Variants in AGBL4 observed in about 807,000 individuals in gnomAD.
AGBL4 encodes AGBL carboxypeptidase 4.
A neutral mutation model predicts 66.4 loss-of-function variants in AGBL4; 58 were observed. The ratio of observed to expected loss-of-function variants is 0.87; its 90% CI spans 0.71 to 1.09. AGBL4 has a LOEUF of 1.09. AGBL4 is among the 50% of genes least tolerant of loss of function. AGBL4 has a pLI of 0.00. For missense variants in AGBL4, 579 were observed against 631.0 expected (o/e 0.92, Z 0.88); for synonymous variants, 234 against 222.9 (o/e 1.05, Z -0.44).
At chr1:49,381,823 A>T (rs910812919) in intron 3 of AGBL4, among the ~76,000 whole-genome samples, 3 of 135,858 alleles carry the variant, frequency 2.2e-5, no homozygotes, top group African/African-American at 8.4e-5. Context: ...TGGAAGGGGA[A>T]CATCACACTC....
At chr1:49,917,747 A>G (rs1198374332) in intron 1 of AGBL4, among the ~76,000 whole-genome samples, 1 of 152,220 alleles carries the variant, frequency 6.6e-6, no homozygotes, top group Non-Finnish European at 1.5e-5. Context: ...ATAGACATCT[A>G]CAGAACTCTC....
chr1:49,211,365 G>A (rs918964329), intron 4 of AGBL4, among the ~76,000 whole-genome samples: 5 of 152,016 alleles, frequency 3.3e-5, no homozygotes, highest in Non-Finnish European at 5.9e-5. Context: ...TCCAACAAAA[G>A]GCATAAGAAA....
At chr1:49,488,079 T>C (rs1647106382) in intron 3 of AGBL4, among the ~76,000 whole-genome samples, 1 of 152,006 alleles carries the variant, frequency 6.6e-6, no homozygotes, top group South Asian at 2.1e-4. Flanking sequence ...GTTTACTTTG[T>C]TGAATTTTAA....
intron 3 of AGBL4, among the ~76,000 whole-genome samples, chr1:49,261,017 T>C (rs1018882546): frequency 5.9e-5 from 9 of 151,872 alleles, no homozygotes; most frequent in African/African-American, 2.2e-4. Flanking sequence ...TGCCAATCAA[T>C]AAATGTAATC....
chr1:49,258,536 A>C (rs1652771269), intron 3 of AGBL4, among the ~76,000 whole-genome samples: 1 of 152,216 alleles, frequency 6.6e-6, no homozygotes, highest in Non-Finnish European at 1.5e-5. Flanking sequence ...CGATGCGATC[A>C]ACTGGAAGAA....
At chr1:49,895,445 G>A (rs1005931493) in intron 1 of AGBL4, among the ~76,000 whole-genome samples, 1 of 151,866 alleles carries the variant, frequency 6.6e-6, no homozygotes, top group African/African-American at 2.4e-5. Flanking sequence ...TTCTTAAGTA[G>A]AAAGACTAAA....
Position 49,683,686 on chromosome 1 carries a change from G to A in AGBL4, c.282+13627C>T, listed in dbSNP as rs903483763. Among the ~76,000 whole-genome samples the A allele has an allele frequency of 2.6e-5, 4 of 152,166 alleles. No individual in the cohort carries two copies. The East Asian group carries it at 7.7e-4, about 29-fold the overall frequency. ...ACTTTATCCATATCTAAAAGGTTTT[G>A]TGAGCTAGACAAAGTGAGAAATACA... On this transcript the variant is annotated intron_variant, in intron 3 of 13. Coordinates refer to ENST00000371839, the MANE Select transcript of AGBL4 (RefSeq NM_032785.4).
chr1:49,974,509 G>A (rs1280682985), intron 1 of AGBL4, among the ~76,000 whole-genome samples: 1 of 152,136 alleles, frequency 6.6e-6, no homozygotes, highest in East Asian at 1.9e-4. Context: ...CAGCTGGTAA[G>A]TGACAAGAGC....
At chr1:49,615,600 T>C (rs956699176) in intron 3 of AGBL4, among the ~76,000 whole-genome samples, 5 of 152,114 alleles carry the variant, frequency 3.3e-5, no homozygotes, top group Non-Finnish European at 5.9e-5. Context: ...GAGATTTATG[T>C]TGAATTTCAT....
intron 2 of AGBL4, among the ~76,000 whole-genome samples, chr1:49,797,965 G>A (rs1644771402): frequency 6.6e-6 from 1 of 152,100 alleles, no homozygotes; most frequent in South Asian, 2.1e-4. Context: ...GTTTCACCAT[G>A]TTGGCCAGGC....
chr1:48,776,030 GCCT>G (rs1172575309), intron 6 of AGBL4, among the ~76,000 whole-genome samples: 4 of 152,172 alleles, frequency 2.6e-5, no homozygotes, highest in African/African-American at 4.8e-5. Context: ...GAGGTTCATG[GCCT>G]CCTCATCCTG....
At chr1:48,876,978 C>A (rs750926385) in intron 5 of AGBL4, among the ~76,000 whole-genome samples, 2 of 152,152 alleles carry the variant, frequency 1.3e-5, no homozygotes, top group Non-Finnish European at 2.9e-5. Flanking sequence ...ATGATGCTAT[C>A]CCAAATCACA....
intron 1 of AGBL4, among the ~76,000 whole-genome samples, chr1:49,936,238 C>T (rs968340928): frequency 2.6e-5 from 4 of 151,696 alleles, no homozygotes; most frequent in Admixed American, 6.6e-5. Flanking sequence ...AGGGTATCAG[C>T]GATGGAAGAT....
At chr1:49,365,057 T>G (rs1054163711) in intron 3 of AGBL4, among the ~76,000 whole-genome samples, 1 of 152,232 alleles carries the variant, frequency 6.6e-6, no homozygotes, top group African/African-American at 2.4e-5. Context: ...ATATGAGAGA[T>G]AACAATTATT....
chr1:49,349,837 A>G (rs1645713339), intron 3 of AGBL4, among the ~76,000 whole-genome samples: 1 of 152,180 alleles, frequency 6.6e-6, no homozygotes, highest in South Asian at 2.1e-4. Context: ...GTCCAATATG[A>G]CTGGTGTTCT....
intron 2 of AGBL4, among the ~76,000 whole-genome samples, chr1:49,838,810 T>C (rs550880595): frequency 3.9e-5 from 6 of 152,192 alleles, no homozygotes; most frequent in African/African-American, 9.6e-5. Context: ...TACATACACA[T>C]ACTATAATCA....
intron 3 of AGBL4, among the ~76,000 whole-genome samples, chr1:49,376,296 G>A (rs1434210343): frequency 2.0e-5 from 3 of 151,964 alleles, no homozygotes; most frequent in Admixed American, 6.6e-5. Flanking sequence ...TGTATCCTGG[G>A]AGGCTGGGAG....
chr1:49,340,195 T>C (rs985807172), intron 3 of AGBL4, among the ~76,000 whole-genome samples: 1 of 143,632 alleles, frequency 7.0e-6, no homozygotes, highest in African/African-American at 2.6e-5. Flanking sequence ...CTAGAATTAG[T>C]ACGTTTGTAA....
At chr1:49,805,211 A>G (rs1395689565) in intron 2 of AGBL4, among the ~76,000 whole-genome samples, 1 of 152,216 alleles carries the variant, frequency 6.6e-6, no homozygotes, top group Non-Finnish European at 1.5e-5. Flanking sequence ...ATATCAAAGA[A>G]GAGGGAACGA....
Sources: allele counts gnomAD v4.1 joint callset (sites outside exome capture counted in the v4.1 genomes callset), GRCh38; gene constraint gnomAD v4.1.1; transcripts MANE v1.5; gene names NCBI Gene and HGNC (gene_info 2026-07-23, HGNC 2026-07-21).